ZNF407: variants seen among roughly 807,000 people sequenced by gnomAD.
ZNF407 encodes the protein zinc finger protein 407.
A neutral mutation model predicts 131.2 loss-of-function variants in ZNF407; 17 were observed. The ratio of observed to expected loss-of-function variants is 0.13; its 90% CI spans 0.09 to 0.19. ZNF407 has a LOEUF of 0.19. Among genes scored for constraint, ZNF407 ranks in the 10% least tolerant of loss-of-function variants. The pLI is 1.00. For synonymous variants in ZNF407, 1,156 were observed against 1,062.0 expected (o/e 1.09, Z -1.72); for missense variants, 2,681 against 2,830.6 (o/e 0.95, Z 1.20).
At chr18:75,026,523 T>C (rs575747710) in intron 8 of ZNF407, among the ~76,000 whole-genome samples, 1 of 152,350 alleles carries the variant, frequency 6.6e-6, no homozygotes, top group Admixed American at 6.5e-5. Flanking sequence ...AAATTTGTTA[T>C]ATGAAACACA....
At chr18:74,912,121 C>T (rs374410575) in intron 7 of ZNF407, among the ~76,000 whole-genome samples, 1 of 152,126 alleles carries the variant, frequency 6.6e-6, no homozygotes, top group South Asian at 2.1e-4. Flanking sequence ...TGGGCACTCT[C>T]CTGGGTACTT....
intron 3 of ZNF407, among the ~76,000 whole-genome samples, chr18:74,669,673 C>T (rs1207959239): frequency 6.6e-6 from 1 of 152,212 alleles, no homozygotes; most frequent in Non-Finnish European, 1.5e-5. Flanking sequence ...GAGCCTGCAG[C>T]TTGTGTGCCT....
At chr18:74,915,724 G>GC (rs1971748629) in intron 7 of ZNF407, among the ~76,000 whole-genome samples, 1 of 23,880 alleles carries the variant, frequency 4.2e-5, no homozygotes, top group African/African-American at 1.3e-4. Context: ...TGTGTGTGCT[G>GC]GTATGGTGAG....
intron 3 of ZNF407, among the ~76,000 whole-genome samples, chr18:74,734,910 CTT>C (rs1968379255): frequency 6.6e-6 from 1 of 152,016 alleles, no homozygotes; most frequent in South Asian, 2.1e-4. Context: ...GGAATGATCT[CTT>C]TATTTTCTGT....
rs577165336 is a variant in ZNF407, at chr18:74,810,065, A to G, written c.4877+28563A>G. Among the ~76,000 whole-genome samples, 17 of 152,334 alleles carry G rather than the reference A, an allele frequency of 1.1e-4. No individual in the cohort carries two copies. The South Asian group carries it at 3.5e-3, about 32-fold the overall frequency. The stretch of plus-strand genomic sequence containing the variant: ...AGATAGGTTTGAAGTAGTTTCAGAC[A>G]TTCAAGTGGCGATGCTGAACTGGAA... On this transcript the variant is annotated intron_variant, in intron 4 of 8. Coordinates refer to ENST00000299687, the MANE Select transcript of ZNF407 (RefSeq NM_017757.3).
intron 3 of ZNF407, among the ~76,000 whole-genome samples, chr18:74,713,302 A>G (rs1364569391): frequency 1.3e-5 from 2 of 149,284 alleles, no homozygotes; most frequent in African/African-American, 4.9e-5. Flanking sequence ...GCATTTTTCT[A>G]TATTTATTAA....
chr18:74,736,772 A>G (rs535697483), intron 3 of ZNF407, among the ~76,000 whole-genome samples: 3 of 152,284 alleles, frequency 2.0e-5, no homozygotes, highest in African/African-American at 4.8e-5. Flanking sequence ...CTAAATACAT[A>G]TTTTTAAAGT....
chr18:75,046,324 G>A (rs1973435404), intron 8 of ZNF407, among the ~76,000 whole-genome samples: 1 of 152,096 alleles, frequency 6.6e-6, no homozygotes, highest in African/African-American at 2.4e-5. Context: ...CAGCATGGCT[G>A]GGCATCAGCA....
intron 3 of ZNF407, among the ~76,000 whole-genome samples, chr18:74,723,707 C>G (rs182896286): frequency 6.6e-6 from 1 of 152,178 alleles, no homozygotes; most frequent in East Asian, 1.9e-4. Flanking sequence ...GCTGGTTTTT[C>G]TGTTGTGAAA....
intron 8 of ZNF407, among the ~76,000 whole-genome samples, chr18:75,049,110 G>GC (rs1973469657): frequency 6.8e-6 from 1 of 146,278 alleles, no homozygotes; most frequent in Admixed American, 6.8e-5. Flanking sequence ...GGTGGGGGGG[G>GC]GGTGGGGGAG....
intron 1 of ZNF407, among the ~76,000 whole-genome samples, chr18:74,623,186 GTGTGTGTC>G (rs1409364742): frequency 4.6e-5 from 7 of 151,818 alleles, no homozygotes; most frequent in African/African-American, 1.5e-4. Flanking sequence ...ATGTGAATCC[GTGTGTGTC>G]TGTATGTCTG....
chr18:74,734,701 G>A (rs1397000155), intron 3 of ZNF407, among the ~76,000 whole-genome samples: 4 of 147,708 alleles, frequency 2.7e-5, no homozygotes, highest in African/African-American at 1.1e-4. Context: ...GTGTGTGTGT[G>A]TGTGTGTGTT....
At chr18:74,913,669 C>G (rs1021065323) in intron 7 of ZNF407, among the ~76,000 whole-genome samples, 6 of 152,152 alleles carry the variant, frequency 3.9e-5, no homozygotes, top group Admixed American at 3.9e-4. Context: ...TGGAGGGAGA[C>G]TTCTGTCATA....
intron 4 of ZNF407, among the ~76,000 whole-genome samples, chr18:74,797,165 G>A (rs1242902701): frequency 1.3e-5 from 2 of 152,126 alleles, no homozygotes; most frequent in Non-Finnish European, 2.9e-5. Flanking sequence ...TAGAACGTTG[G>A]ATCTGTTTGT....
At chr18:74,782,086 C>T (rs1969613969) in intron 4 of ZNF407, among the ~76,000 whole-genome samples, 1 of 152,136 alleles carries the variant, frequency 6.6e-6, no homozygotes, top group Admixed American at 6.5e-5. Context: ...TGAAATATAG[C>T]AGTGTCAGCT....
intron 3 of ZNF407, among the ~76,000 whole-genome samples, chr18:74,768,314 T>C (rs1969287592): frequency 6.6e-6 from 1 of 152,174 alleles, no homozygotes; most frequent in Non-Finnish European, 1.5e-5. Flanking sequence ...TTAGACAAGA[T>C]TGGAAACAGG....
chr18:74,763,704 GAT>G (rs1969154763), intron 3 of ZNF407, among the ~76,000 whole-genome samples: 1 of 96,902 alleles, frequency 1.0e-5, no homozygotes, highest in Non-Finnish European at 2.1e-5. Context: ...TCTTATCTTT[GAT>G]TTTTTTTTTT....
Position 74,779,154 on chromosome 18 carries a change from C to T in ZNF407, c.4803-2274C>T, listed in dbSNP as rs1475239343. ...TTTTTGAGACGGAGGCTTGCTCTGT[C>T]GTCCAGGCTGGAGTGCAGTGGCGCA... is the stretch of plus-strand genomic sequence containing the variant. On this transcript the variant is annotated intron_variant, in intron 3 of 8. Transcript: ENST00000299687. 8.0e-5 allele frequency among the ~76,000 whole-genome samples: 9 copies of T among 111,844 alleles called. No homozygotes were observed. The South Asian group carries it at 1.9e-3, about 24-fold the overall frequency. 73.4% of individuals were successfully genotyped at this position (111,844 alleles called of 152,430 possible). A position where few individuals can be genotyped will look rare whatever the true frequency, so the allele number is the denominator to read the frequency against.
intron 1 of ZNF407, among the ~76,000 whole-genome samples, chr18:74,599,248 C>T (rs1982466407): frequency 6.6e-6 from 1 of 152,192 alleles, no homozygotes. Context: ...GTAAAGCTTT[C>T]TTCTTGCGTG....
Sources: allele counts gnomAD v4.1 joint callset (sites outside exome capture counted in the v4.1 genomes callset), GRCh38; gene constraint gnomAD v4.1.1; transcripts MANE v1.5; gene names NCBI Gene and HGNC (gene_info 2026-07-23, HGNC 2026-07-21).